AGBL4: variants seen among roughly 807,000 people sequenced by gnomAD.
AGBL4 encodes the protein AGBL carboxypeptidase 4, also known as cytosolic carboxypeptidase 6.
In AGBL4, 58 loss-of-function variants were observed where a neutral mutation model predicts 66.4. The observed-to-expected ratio is 0.87, with a 90% CI of 0.71 to 1.09. AGBL4 has a LOEUF of 1.09. Among genes scored for constraint, AGBL4 ranks in the 50% least tolerant of loss-of-function variants. The pLI, the probability that AGBL4 is intolerant of heterozygous loss-of-function variation, is 0.00. For missense variants in AGBL4, 579 were observed against 631.0 expected, an observed-to-expected ratio of 0.92 and a Z score of 0.88; for synonymous variants, 234 against 222.9, an observed-to-expected ratio of 1.05 and a Z score of -0.44.
chr1:49,617,945 G>T (rs1040824942), intron 3 of AGBL4, among the ~76,000 whole-genome samples: 1 of 152,106 alleles, frequency 6.6e-6, no homozygotes, highest in African/African-American at 2.4e-5. Context: ...ATGGCAGTTT[G>T]CTGAACCCAT....
chr1:48,783,893 A>G (rs746280815), intron 6 of AGBL4, among the ~76,000 whole-genome samples: 2 of 152,166 alleles, frequency 1.3e-5, no homozygotes, highest in South Asian at 4.1e-4. Flanking sequence ...CATAAATATT[A>G]TTATTTTCAG....
At chr1:49,282,276 T>G (rs1428540292) in intron 3 of AGBL4, among the ~76,000 whole-genome samples, 2 of 152,214 alleles carry the variant, frequency 1.3e-5, no homozygotes, top group Non-Finnish European at 2.9e-5. Flanking sequence ...TGCTTTTGTG[T>G]TGCTCTAAAG....
intron 1 of AGBL4, among the ~76,000 whole-genome samples, chr1:49,960,644 T>A (rs116340537): frequency 0.011 from 1,695 of 152,232 alleles, 13 homozygotes; most frequent in Non-Finnish European, 0.018. Context: ...CTATACATTG[T>A]ATGTATCAAA....
chr1:50,012,145 G>A (rs1398519431), intron 1 of AGBL4, among the ~76,000 whole-genome samples: 1 of 138,860 alleles, frequency 7.2e-6, no homozygotes, highest in Non-Finnish European at 1.5e-5. Flanking sequence ...CGGCCTGGGC[G>A]ACAGAGCGAG....
intron 4 of AGBL4, among the ~76,000 whole-genome samples, chr1:49,177,428 T>G (rs1225020173): frequency 1.3e-5 from 2 of 152,172 alleles, no homozygotes; most frequent in South Asian, 4.1e-4. Context: ...TGAATAACAC[T>G]TTTTCAGTTA....
intron 4 of AGBL4, among the ~76,000 whole-genome samples, chr1:49,245,444 C>T (rs1266269446): frequency 6.6e-6 from 1 of 151,250 alleles, no homozygotes; most frequent in East Asian, 1.9e-4. Context: ...ATAATAAAAG[C>T]CAAACAGGAC....
intron 3 of AGBL4, among the ~76,000 whole-genome samples, chr1:49,617,545 TACA>T (rs1645272863): frequency 6.6e-6 from 1 of 152,232 alleles, no homozygotes; most frequent in Non-Finnish European, 1.5e-5. Flanking sequence ...TTTATGTTCT[TACA>T]ACAACAAAAA....
chr1:49,467,026 T>C (rs1457013405), intron 3 of AGBL4, among the ~76,000 whole-genome samples: 3 of 151,752 alleles, frequency 2.0e-5, no homozygotes, highest in African/African-American at 7.2e-5. Context: ...AATTATACCA[T>C]ACCCAATAGC....
intron 5 of AGBL4, among the ~76,000 whole-genome samples, chr1:48,913,982 AT>A (rs1475870462): frequency 2.0e-5 from 3 of 152,182 alleles, no homozygotes; most frequent in Non-Finnish European, 4.4e-5. Flanking sequence ...GGTGCCTGAG[AT>A]ATCACAGTGG....
intron 5 of AGBL4, among the ~76,000 whole-genome samples, chr1:48,952,151 C>A (rs536521452): frequency 6.6e-6 from 1 of 152,356 alleles, no homozygotes; most frequent in Admixed American, 6.5e-5. Flanking sequence ...AACAAGTGCA[C>A]AATGTCTCCA....
intron 6 of AGBL4, among the ~76,000 whole-genome samples, chr1:48,768,962 A>C (rs1226469656): frequency 6.6e-6 from 1 of 152,070 alleles, no homozygotes; most frequent in African/African-American, 2.4e-5. Context: ...CCAAGACTAC[A>C]AAAAAAAGAG....
intron 6 of AGBL4, among the ~76,000 whole-genome samples, chr1:48,806,862 C>T (rs948276378): frequency 6.6e-6 from 1 of 152,134 alleles, no homozygotes; most frequent in African/African-American, 2.4e-5. Flanking sequence ...AGATGAACAG[C>T]GAGGGTTACC....
At chr1:49,219,132 T>G (rs187296972) in intron 4 of AGBL4, among the ~76,000 whole-genome samples, 16 of 152,210 alleles carry the variant, frequency 1.1e-4, no homozygotes, top group Admixed American at 3.3e-4. Flanking sequence ...TAGATCAGAG[T>G]TTCCAGATCA....
At position 49,327,125 on chromosome 1, in the gene AGBL4, T is replaced by C. The variant is rs376753120; in HGVS notation, c.283-81261A>G. ...CCTCTTACAAGGACCCTTGTGATTATATTAGGCCCACTTGGATAATCCAGC... is the reference window on the plus strand; with the variant it reads ...CCTCTTACAAGGACCCTTGTGATTACATTAGGCCCACTTGGATAATCCAGC... On this transcript the variant is annotated intron_variant, in intron 3 of 13. Transcript: ENST00000371839. 4.6e-5 allele frequency among the ~76,000 whole-genome samples: 7 copies of C among 152,330 alleles called. No individual in the cohort carries two copies. The South Asian group carries it at 1.2e-3, about 27-fold the overall frequency.
At chr1:49,686,896 A>G (rs1207605284) in intron 3 of AGBL4, among the ~76,000 whole-genome samples, 2 of 152,108 alleles carry the variant, frequency 1.3e-5, no homozygotes, top group Non-Finnish European at 1.5e-5. Context: ...TGGCAGTCTG[A>G]CTCCAAAGCT....
At chr1:49,210,909 G>T (rs1206842075) in intron 4 of AGBL4, among the ~76,000 whole-genome samples, 1 of 152,010 alleles carries the variant, frequency 6.6e-6, no homozygotes, top group East Asian at 1.9e-4. Context: ...CCCTGGATAT[G>T]CTATTTTATG....
intron 1 of AGBL4, among the ~76,000 whole-genome samples, chr1:49,879,550 C>G (rs867901815): frequency 6.8e-6 from 1 of 147,530 alleles, no homozygotes; most frequent in Non-Finnish European, 1.5e-5. Flanking sequence ...TGATGGGCTT[C>G]CCTTTGAGGG....
intron 1 of AGBL4, among the ~76,000 whole-genome samples, chr1:49,931,556 A>C (rs2148265254): frequency 6.6e-6 from 1 of 152,262 alleles, no homozygotes; most frequent in African/African-American, 2.4e-5. Context: ...TATCATGAGA[A>C]CAGCAAGGGG....
At position 49,559,497 on chromosome 1, in the gene AGBL4, A is replaced by C. The variant is rs559709652; in HGVS notation, c.282+137816T>G. On this transcript the variant is annotated intron_variant, in intron 3 of 13. Coordinates refer to ENST00000371839, the MANE Select transcript of AGBL4 (RefSeq NM_032785.4). ...GAGGGTCTTCCCAGAGAAGATTAAC[A>C]TTTCAGTCAGTGGACTGAAAGAGGC... 7.2e-5 allele frequency among the ~76,000 whole-genome samples: 11 copies of C among 152,272 alleles called. No homozygotes were observed. The South Asian group carries it at 2.3e-3, about 32-fold the overall frequency.
Sources: allele counts gnomAD v4.1 joint callset (sites outside exome capture counted in the v4.1 genomes callset), GRCh38; gene constraint gnomAD v4.1.1; transcripts MANE v1.5; gene names NCBI Gene and HGNC (gene_info 2026-07-23, HGNC 2026-07-21).